ME1: variants seen among roughly 807,000 people sequenced by gnomAD.
ME1 encodes malic enzyme 1, also known as NADP-dependent malic enzyme.
A neutral mutation model predicts 66.4 loss-of-function variants in ME1; 74 were observed. The observed-to-expected ratio is 1.11, with a 90% CI of 0.92 to 1.35. The LOEUF (loss-of-function observed/expected upper bound fraction) is 1.35. Among genes scored for constraint, ME1 ranks in the 40% most tolerant of loss-of-function variants. The pLI is 0.00. For missense variants in ME1, 750 were observed against 694.1 expected (o/e 1.08, Z -0.90); for synonymous variants, 251 against 235.6 (o/e 1.07, Z -0.60).
At chr6:83,263,663 G>T (rs1482158464) in intron 6 of ME1, among the ~76,000 whole-genome samples, 1 of 151,970 alleles carries the variant, frequency 6.6e-6, no homozygotes, top group African/African-American at 2.4e-5. Context: ...ATTCTATAAA[G>T]GCTGAGAAAG....
intron 3 of ME1, among the ~76,000 whole-genome samples, chr6:83,393,971 T>C (rs1769681828): frequency 6.6e-6 from 1 of 151,948 alleles, no homozygotes; most frequent in Non-Finnish European, 1.5e-5. Flanking sequence ...ACAAGGAAAA[T>C]AGTATGTATT....
In ME1 at chr6:83,224,083, T is replaced by C. The variant is rs921506026; in HGVS notation, c.1276-150A>G. The C allele has an allele frequency of 3.8e-5, 27 of 702,060 alleles. No homozygotes were observed. The Admixed American group carries it at 7.9e-4, about 20-fold the overall frequency. 43.5% of individuals were successfully genotyped at this position (702,060 alleles called of 1,614,324 possible). A position where few individuals can be genotyped will look rare whatever the true frequency, so the allele number is the denominator to read the frequency against. On this transcript the variant is annotated intron_variant, in intron 11 of 13. Transcript: ENST00000369705. Reference sequence around the variant, plus strand: ...AACTTGCTAATAAGTCTGGACAAGCTTTTGTGATGTTGTGCAACCAGTTCT... The same window carrying C: ...AACTTGCTAATAAGTCTGGACAAGCCTTTGTGATGTTGTGCAACCAGTTCT...
At chr6:83,362,378 A>G (rs1322583722) in intron 3 of ME1, among the ~76,000 whole-genome samples, 2 of 152,228 alleles carry the variant, frequency 1.3e-5, no homozygotes, top group African/African-American at 2.4e-5. Flanking sequence ...TGATCTCAGC[A>G]GAAGAGGATT....
At chr6:83,361,178 T>C (rs1769001151) in intron 3 of ME1, among the ~76,000 whole-genome samples, 1 of 152,222 alleles carries the variant, frequency 6.6e-6, no homozygotes, top group African/African-American at 2.4e-5. Flanking sequence ...GTGAGACATT[T>C]GCGTGCCAGA....
At chr6:83,294,780 C>T (rs1041523943) in intron 6 of ME1, among the ~76,000 whole-genome samples, 1 of 152,160 alleles carries the variant, frequency 6.6e-6, no homozygotes, top group Non-Finnish European at 1.5e-5. Flanking sequence ...CCCTGCTCCT[C>T]AATAGGCAGT....
chr6:83,331,519 G>A (rs1350891633), intron 5 of ME1, among the ~76,000 whole-genome samples: 2 of 151,392 alleles, frequency 1.3e-5, no homozygotes, highest in African/African-American at 4.9e-5. Flanking sequence ...CCGGGAGGCG[G>A]AGGTTGCAGT....
chr6:83,213,656 C>T (rs1789941436), intron 13 of ME1, among the ~76,000 whole-genome samples: 2 of 151,930 alleles, frequency 1.3e-5, no homozygotes, highest in South Asian at 2.1e-4. Flanking sequence ...TGTGAGCCAC[C>T]GTGCCCAGCC....
intron 9 of ME1, among the ~76,000 whole-genome samples, chr6:83,233,187 C>A (rs557354375): frequency 5.9e-5 from 9 of 152,036 alleles, no homozygotes; most frequent in Non-Finnish European, 1.2e-4. Context: ...GCAACATTCC[C>A]TTTTCATTCT....
chr6:83,307,437 C>T (rs949397244), intron 6 of ME1, among the ~76,000 whole-genome samples: 1 of 151,908 alleles, frequency 6.6e-6, no homozygotes, highest in Non-Finnish European at 1.5e-5. Context: ...ATTTTTTTCA[C>T]CTGGTTATTT....
At chr6:83,268,728 G>GTTATTATTA (rs57723634) in intron 6 of ME1, among the ~76,000 whole-genome samples, 5,917 of 143,710 alleles carry the variant, frequency 0.041, 364 homozygotes, top group African/African-American at 0.13. Context: ...ACCATGCCCC[G>GTTATTATTA]TTATTATTAT....
intron 6 of ME1, among the ~76,000 whole-genome samples, chr6:83,263,168 T>C (rs1279697727): frequency 6.6e-6 from 1 of 152,170 alleles, no homozygotes; most frequent in Non-Finnish European, 1.5e-5. Context: ...GCATATAAGA[T>C]GGCAAACTTA....
intron 6 of ME1, among the ~76,000 whole-genome samples, chr6:83,308,738 T>G (rs563531542): frequency 1.1e-4 from 16 of 151,128 alleles, no homozygotes; most frequent in African/African-American, 3.4e-4. Flanking sequence ...GAAAACTCCC[T>G]GCTTTCATAG....
At chr6:83,381,914 A>G (rs1583409777) in intron 3 of ME1, among the ~76,000 whole-genome samples, 1 of 152,104 alleles carries the variant, frequency 6.6e-6, no homozygotes, top group African/African-American at 2.4e-5. Context: ...ATGAAACTCT[A>G]TCATGACCCA....
intron 5 of ME1, among the ~76,000 whole-genome samples, chr6:83,333,709 T>C (rs1768462648): frequency 6.6e-6 from 1 of 152,202 alleles, no homozygotes; most frequent in South Asian, 2.1e-4. Context: ...CTTCTATTTT[T>C]ATCCTGAACA....
rs1790420210 is a variant in ME1 at position 83,237,259 on chromosome 6, GAAA to G, written c.1026+455_1026+457del. On this transcript the variant is annotated intron_variant, in intron 9 of 13. Coordinates refer to ENST00000369705, the MANE Select transcript of ME1 (RefSeq NM_002395.6). The stretch of plus-strand genomic sequence containing the variant: ...AGAAAGAAAGAAAGAAAGAAAGAAA[GAAA>G]GAAAGAAAGAAAGAAAGGAAGGAAG... Among the ~76,000 whole-genome samples, 8 of 83,792 alleles carry G rather than the reference GAAA, an allele frequency of 9.5e-5. No homozygotes were observed. In the Admixed American group the frequency reaches 1.0e-3, roughly 11 times the overall value. 55.0% of individuals were successfully genotyped at this position (83,792 alleles called of 152,430 possible).
At chr6:83,219,277 G>T (rs1411467309) in intron 12 of ME1, among the ~76,000 whole-genome samples, 1 of 152,194 alleles carries the variant, frequency 6.6e-6, no homozygotes, top group African/African-American at 2.4e-5. Flanking sequence ...TTTTCTGGGT[G>T]TCAGGTATTG....
At chr6:83,391,600 T>G (rs982990773) in intron 3 of ME1, among the ~76,000 whole-genome samples, 1 of 152,176 alleles carries the variant, frequency 6.6e-6, no homozygotes. Context: ...GGCTTTTCAT[T>G]TAGCTAAGAG....
chr6:83,323,008 C>T (rs191278440), intron 5 of ME1, among the ~76,000 whole-genome samples: 1 of 152,294 alleles, frequency 6.6e-6, no homozygotes, highest in Admixed American at 6.5e-5. Context: ...ATTCAACATT[C>T]TTAAAGAAAA....
chr6:83,279,296 G>T (rs1767246442), intron 6 of ME1, among the ~76,000 whole-genome samples: 1 of 152,092 alleles, frequency 6.6e-6, no homozygotes. Flanking sequence ...AAATTACAAG[G>T]CATCCTAAAA....
Sources: allele counts gnomAD v4.1 joint callset (sites outside exome capture counted in the v4.1 genomes callset), GRCh38; gene constraint gnomAD v4.1.1; transcripts MANE v1.5; gene names NCBI Gene and HGNC (gene_info 2026-07-23, HGNC 2026-07-21).